STIL: variants seen among roughly 807,000 people sequenced by gnomAD.
STIL encodes the protein STIL centriolar assembly protein.
STIL carries 55 observed loss-of-function variants against 110.1 expected under a neutral mutation model. The ratio of observed to expected loss-of-function variants is 0.50; its 90% CI spans 0.40 to 0.63. The LOEUF is 0.63. Ranked by LOEUF, STIL falls within the 20% of genes least tolerant of loss-of-function variation. The probability of loss-of-function intolerance (pLI) is 0.00; values close to 1 mark genes in which losing one functional copy is unlikely to be tolerated. For missense variants in STIL, 1,358 were observed against 1,530.0 expected, an observed-to-expected ratio of 0.89 and a Z score of 1.87; for synonymous variants, 481 against 530.0, an observed-to-expected ratio of 0.91 and a Z score of 1.27.
chr1:47,297,505 T>TTA, intron 6 of STIL, among the ~76,000 whole-genome samples: 1 of 152,332 alleles, frequency 6.6e-6, no homozygotes, highest in African/African-American at 2.4e-5. Flanking sequence ...TTTAATCTAT[T>TTA]TATTTCCAAT....
Position 47,260,465 on chromosome 1 carries a change from A to G in STIL, c.2904T>C (p.Ser968=). 6.2e-7 allele frequency: 1 copy of G among 1,614,116 alleles called. No homozygotes were observed. Among genetic ancestry groups the G allele is most frequent in the South Asian group, 1.1e-5 (1 of 91,070 alleles). ...EQPSTKAVII[S]HECTRTQNVY... ...CGTTTTGGGTTCTGGTGCATTCATG[A>G]CTGATAATTACTGCTTTGGTAGACG... The change falls in exon 16 of 17, where the codon AGT becomes AGC. Residue 968 remains serine, a synonymous_variant. Transcript: ENST00000371877.
intron 6 of STIL, among the ~76,000 whole-genome samples, chr1:47,298,154 A>G (rs1341508640): frequency 6.6e-6 from 1 of 152,232 alleles, no homozygotes; most frequent in African/African-American, 2.4e-5. Context: ...TTTTTAGAGA[A>G]TAAGACTTGG....
At chr1:47,306,023 G>A (rs1014601377) in intron 2 of STIL, among the ~76,000 whole-genome samples, 5 of 151,760 alleles carry the variant, frequency 3.3e-5, no homozygotes, top group Non-Finnish European at 7.4e-5. Context: ...AAGCCACCGC[G>A]CCCGGCCCAA....
chr1:47,270,247 TATATATATAC>T (rs1644788900), intron 13 of STIL, among the ~76,000 whole-genome samples: 1 of 97,784 alleles, frequency 1.0e-5, no homozygotes, highest in African/African-American at 4.4e-5. Flanking sequence ...AAAAAATATA[TATATATATAC>T]ACACACACAC....
chr1:47,302,403 C>G (rs1272680534), intron 3 of STIL, 57 bp from the exon 4 acceptor site: 8 of 1,280,314 alleles, frequency 6.2e-6, no homozygotes, highest in Admixed American at 1.7e-5. Context: ...AAAAAAACCT[C>G]CTGCCATAAA....
At chr1:47,282,575 G>T in intron 10 of STIL, 116 bp from the exon 11 acceptor site, 1 of 681,794 alleles carries the variant, frequency 1.5e-6, no homozygotes, top group Non-Finnish European at 2.6e-6. Context: ...ATTTAATTTA[G>T]TATCTGACAA....
At chr1:47,312,645 A>G (rs919739844) in intron 1 of STIL, among the ~76,000 whole-genome samples, 2 of 152,196 alleles carry the variant, frequency 1.3e-5, no homozygotes, top group African/African-American at 4.8e-5. Flanking sequence ...TTCTTCATTA[A>G]ACAGAAGTGT....
chr1:47,252,582 T>C (rs1055777681), intron 16 of STIL, among the ~76,000 whole-genome samples: 1 of 152,162 alleles, frequency 6.6e-6, no homozygotes, highest in Non-Finnish European at 1.5e-5. Context: ...TTACGACTAT[T>C]AGCCCAAACA....
At chr1:47,259,953 C>T (rs1644436509) in intron 16 of STIL, among the ~76,000 whole-genome samples, 1 of 152,188 alleles carries the variant, frequency 6.6e-6, no homozygotes, top group Non-Finnish European at 1.5e-5. Flanking sequence ...AAAGACTTTT[C>T]AGATGCTACC....
intron 9 of STIL, among the ~76,000 whole-genome samples, chr1:47,289,084 A>C (rs1045458256): frequency 1.3e-5 from 2 of 150,764 alleles, no homozygotes; most frequent in Non-Finnish European, 3.0e-5. Context: ...AAAAAAAAAA[A>C]AACATCAGGA....
At chr1:47,262,814 C>CA in intron 15 of STIL, 89 bp downstream of exon 15, 7 of 1,211,098 alleles carry the variant, frequency 5.8e-6, no homozygotes, top group Non-Finnish European at 8.5e-6. Flanking sequence ...CTTAAGGTCT[C>CA]AATCAGTTTA....
chr1:47,305,067 C>G (rs757311271), intron 2 of STIL, 71 bp from the exon 3 acceptor site: 11 of 1,019,234 alleles, frequency 1.1e-5, no homozygotes, highest in Middle Eastern at 2.0e-4. Context: ...TAGGAAACAA[C>G]TAACTATCTT....
At chr1:47,260,159 G>A (rs572613508) in intron 16 of STIL, 130 bp downstream of exon 16, 59 of 914,700 alleles carry the variant, frequency 6.5e-5, no homozygotes, top group South Asian at 4.0e-4. Context: ...AGGCACAAAC[G>A]TAACTTTTCT....
intron 7 of STIL, 81 bp from the exon 8 acceptor site, chr1:47,293,625 T>G: frequency 8.6e-7 from 1 of 1,159,308 alleles, no homozygotes; most frequent in Non-Finnish European, 1.3e-6. Context: ...GATAACAAAG[T>G]AGACGTATGG....
chr1:47,299,746 A>G lies in STIL; in HGVS notation c.701+159T>C. 9 of 846,832 alleles carry G rather than the reference A, an allele frequency of 1.1e-5. No individual in the cohort carries two copies. In the South Asian group the frequency reaches 1.6e-4, roughly 15 times the overall value. 52.5% of individuals were successfully genotyped at this position (846,832 alleles called of 1,614,324 possible). A position where few individuals can be genotyped will look rare whatever the true frequency, so the allele number is the denominator to read the frequency against. ...ACAACTTAAAGAAAATTTCATATTC[A>G]ACGAAAATAAACCATTTCATTTTTT... On this transcript the variant is annotated intron_variant, in intron 6 of 16. Transcript: ENST00000371877.
intron 3 of STIL, among the ~76,000 whole-genome samples, chr1:47,302,636 ATC>A (rs1645839104): frequency 6.6e-6 from 1 of 152,156 alleles, no homozygotes; most frequent in Non-Finnish European, 1.5e-5. Context: ...AAACAGTCAC[ATC>A]TGTTTCTTTA....
intron 6 of STIL, among the ~76,000 whole-genome samples, chr1:47,299,053 C>T (rs576167118): frequency 2.9e-5 from 4 of 140,256 alleles, no homozygotes; most frequent in Non-Finnish European, 3.0e-5. Flanking sequence ...TTTTTTAGAA[C>T]TGAGGTCTCT....
At position 47,251,854 on chromosome 1, in the gene STIL, C is replaced by A. The variant is rs760291911; in HGVS notation, c.3149G>T (p.Gly1050Val). The change falls in exon 17 of 17, where the codon GGC becomes GTC. Residue 1050 changes from glycine to valine, a missense_variant. Physicochemically the swap from Gly to Val is moderately radical, Grantham distance 109. Coordinates refer to ENST00000371877, the MANE Select transcript of STIL (RefSeq NM_001048166.1). The part of the protein sequence containing the change: ...GLNCMSFANV[G>V]MSGLSPNGVD... ...ACCATTGGGGCTTAAGCCGCTCATGCCAACATTAGCAAATGACATGCAGTT... is the reference window on the plus strand; with the variant it reads ...ACCATTGGGGCTTAAGCCGCTCATGACAACATTAGCAAATGACATGCAGTT... 1.2e-6 allele frequency: 2 copies of A among 1,607,680 alleles called. No homozygotes were observed. The highest frequency in any genetic ancestry group is 1.7e-5 in the Admixed American group (1 of 58,950).
intron 12 of STIL, among the ~76,000 whole-genome samples, chr1:47,273,442 A>C (rs938803226): frequency 6.6e-6 from 1 of 152,174 alleles, no homozygotes; most frequent in South Asian, 2.1e-4. Context: ...TTTCATATAA[A>C]CAGTACCATA....
Sources: gnomAD v4.1 joint callset for allele counts (sites outside exome capture counted in the v4.1 genomes callset) on GRCh38, gnomAD v4.1.1 for gene constraint, MANE v1.5 for transcripts, NCBI Gene and HGNC (gene_info 2026-07-23, HGNC 2026-07-21) for gene names.